Variants in MARCHF1 observed in about 807,000 individuals in gnomAD.
MARCHF1 encodes E3 ubiquitin-protein ligase MARCHF1.
MARCHF1 carries 40 observed loss-of-function variants against 54.2 expected under a neutral mutation model. That is an observed-to-expected ratio of 0.74 (90% CI 0.57 to 0.96). MARCHF1 has a LOEUF of 0.96. MARCHF1 is among the 40% of genes least tolerant of loss of function. MARCHF1 has a pLI of 0.00. For synonymous variants in MARCHF1, 236 were observed against 236.3 expected (o/e 1.00, Z 0.01); for missense variants, 586 against 656.5 (o/e 0.89, Z 1.17).
At chr4:163,921,865 A>T (rs1751437814) in intron 3 of MARCHF1, among the ~76,000 whole-genome samples, 1 of 152,058 alleles carries the variant, frequency 6.6e-6, no homozygotes, top group African/African-American at 2.4e-5. Flanking sequence ...ATACAGTATT[A>T]AAAAAATATA....
chr4:164,043,819 C>T (rs910808904), intron 2 of MARCHF1, among the ~76,000 whole-genome samples: 13 of 152,220 alleles, frequency 8.5e-5, no homozygotes, highest in African/African-American at 3.1e-4. Context: ...ATTTTAGAAA[C>T]ATCCAGGTCC....
intron 2 of MARCHF1, among the ~76,000 whole-genome samples, chr4:164,088,275 G>T (rs200074855): frequency 7.2e-5 from 11 of 152,238 alleles, no homozygotes; most frequent in East Asian, 1.9e-4. Flanking sequence ...GCGTTCAAAG[G>T]TTCCCATGAG....
chr4:164,323,596 G>C (rs1191894522), intron 1 of MARCHF1, among the ~76,000 whole-genome samples: 1 of 6,150 alleles, frequency 1.6e-4, no homozygotes, highest in Non-Finnish European at 3.4e-4. Context: ...AGGATGAGTA[G>C]CAAAAAAAAA....
chr4:164,032,407 T>A lies in MARCHF1; in HGVS notation c.-247-43698A>T, dbSNP rs116745764. On this transcript the variant is annotated intron_variant, in intron 2 of 9. Transcript: ENST00000514618. Reference sequence around the variant, plus strand: ...GATTTGCTTGCCCTTGCTTCTCCAGTTATTTTAATTGGGATGTTAGGGTGT... The same window carrying A: ...GATTTGCTTGCCCTTGCTTCTCCAGATATTTTAATTGGGATGTTAGGGTGT... Among the ~76,000 whole-genome samples, 1,488 of 152,284 alleles carry A rather than the reference T, an allele frequency of 9.8e-3. 18 individuals are homozygous for A. The highest frequency in any genetic ancestry group is 0.033 in the African/African-American group (1,366 of 41,552).
intron 1 of MARCHF1, among the ~76,000 whole-genome samples, chr4:164,268,752 T>C (rs1733672346): frequency 6.6e-6 from 1 of 152,132 alleles, no homozygotes; most frequent in South Asian, 2.1e-4. Flanking sequence ...CAGAAAGATA[T>C]AAAAAAAGAA....
rs143560372 is a variant in MARCHF1, at chr4:164,375,631, G to A, written c.-323+8239C>T. Among the ~76,000 whole-genome samples, 14 of 152,170 alleles carry A rather than the reference G, an allele frequency of 9.2e-5. No homozygotes were observed. In the East Asian group the frequency reaches 2.7e-3, roughly 29 times the overall value. On this transcript the variant is annotated intron_variant, in intron 1 of 9. Coordinates refer to ENST00000514618, the MANE Select transcript of MARCHF1 (RefSeq NM_001394959.1). ...TACATTTCTTTTTTGCAAATAGATG[G>A]TCTGTATTTGTTAGCACCTTTTTAC...
At chr4:164,235,631 G>A (rs893206559) in intron 1 of MARCHF1, among the ~76,000 whole-genome samples, 1 of 152,084 alleles carries the variant, frequency 6.6e-6, no homozygotes, top group Non-Finnish European at 1.5e-5. Context: ...AAGTAACACA[G>A]GAGTGGAAAA....
Position 164,317,711 on chromosome 4 carries a change from A to G in MARCHF1, c.-323+66159T>C, listed in dbSNP as rs148635331. On this transcript the variant is annotated intron_variant, in intron 1 of 9. Coordinates refer to ENST00000514618, the MANE Select transcript of MARCHF1 (RefSeq NM_001394959.1). Reference sequence around the variant, plus strand: ...GAGACAACTAGCCATCTGTGCCTGAAAAAGAAATCAAAGAATAGAATAGAG... The same window carrying G: ...GAGACAACTAGCCATCTGTGCCTGAGAAAGAAATCAAAGAATAGAATAGAG... 3.5e-3 allele frequency among the ~76,000 whole-genome samples: 538 copies of G among 152,282 alleles called. 5 individuals are homozygous for G. Among genetic ancestry groups the G allele is most frequent in the African/African-American group, 0.012 (516 of 41,564 alleles).
chr4:164,357,200 C>A (rs1730582450), intron 1 of MARCHF1, among the ~76,000 whole-genome samples: 1 of 151,894 alleles, frequency 6.6e-6, no homozygotes, highest in Non-Finnish European at 1.5e-5. Flanking sequence ...TCAGAAGTCC[C>A]AAATCAGTTT....
chr4:163,887,939 T>C (rs1750574821), intron 3 of MARCHF1, among the ~76,000 whole-genome samples: 1 of 152,204 alleles, frequency 6.6e-6, no homozygotes, highest in African/African-American at 2.4e-5. Context: ...AATGTTCCTT[T>C]GCCTATTGGT....
intron 1 of MARCHF1, among the ~76,000 whole-genome samples, chr4:164,239,205 T>C (rs949497865): frequency 2.6e-5 from 4 of 152,060 alleles, no homozygotes; most frequent in African/African-American, 9.6e-5. Flanking sequence ...CCCATTTAAA[T>C]TGTGTATCAA....
At chr4:163,899,942 C>T (rs1750902409) in intron 3 of MARCHF1, among the ~76,000 whole-genome samples, 1 of 151,620 alleles carries the variant, frequency 6.6e-6, no homozygotes, top group Non-Finnish European at 1.5e-5. Flanking sequence ...AATGGTCTTT[C>T]CTTAGCCTTA....
intron 9 of MARCHF1, among the ~76,000 whole-genome samples, chr4:163,543,226 C>T (rs932213371): frequency 1.3e-5 from 2 of 151,962 alleles, no homozygotes; most frequent in African/African-American, 2.4e-5. Flanking sequence ...TGGAGAAAGT[C>T]TAGTCAAGAA....
chr4:164,242,702 C>T (rs1423425995), intron 1 of MARCHF1, among the ~76,000 whole-genome samples: 3 of 152,058 alleles, frequency 2.0e-5, no homozygotes, highest in Admixed American at 1.3e-4. Context: ...GACATTCAAA[C>T]CAAAGGCAAA....
intron 3 of MARCHF1, among the ~76,000 whole-genome samples, chr4:163,859,857 A>G (rs922940015): frequency 6.6e-6 from 1 of 152,120 alleles, no homozygotes; most frequent in Non-Finnish European, 1.5e-5. Context: ...AAATAGTTAC[A>G]CCCAGAGATG....
At chr4:164,244,154 A>G (rs1333491724) in intron 1 of MARCHF1, among the ~76,000 whole-genome samples, 1 of 151,806 alleles carries the variant, frequency 6.6e-6, no homozygotes, top group East Asian at 1.9e-4. Context: ...CAGAATATAC[A>G]TTTTTTTCAG....
intron 5 of MARCHF1, among the ~76,000 whole-genome samples, chr4:163,635,853 C>A (rs553318372): frequency 8.5e-4 from 130 of 152,250 alleles, no homozygotes; most frequent in African/African-American, 3.0e-3. Flanking sequence ...CAATAAAATA[C>A]TGGCAAAACG....
At chr4:163,881,869 A>G (rs939617840) in intron 3 of MARCHF1, among the ~76,000 whole-genome samples, 1 of 152,196 alleles carries the variant, frequency 6.6e-6, no homozygotes, top group African/African-American at 2.4e-5. Context: ...ATGAGCAGAC[A>G]CGGTAGTCTA....
At chr4:163,532,999 C>G (rs79375543) in intron 9 of MARCHF1, among the ~76,000 whole-genome samples, 2,483 of 152,034 alleles carry the variant, frequency 0.016, 63 homozygotes, top group African/African-American at 0.056. Context: ...AATGATACAA[C>G]ATTATACTTA....
Sources: gnomAD v4.1 joint callset for allele counts (sites outside exome capture counted in the v4.1 genomes callset) on GRCh38, gnomAD v4.1.1 for gene constraint, MANE v1.5 for transcripts, NCBI Gene and HGNC (gene_info 2026-07-23, HGNC 2026-07-21) for gene names.